The following CDKAL1 variants were observed in gnomAD, a reference collection of about 807,000 sequenced individuals.
CDKAL1 encodes threonylcarbamoyladenosine tRNA methylthiotransferase.
Under a neutral mutation model 68.2 loss-of-function variants are expected in CDKAL1, and 32 were observed. That is an observed-to-expected ratio of 0.47 (90% CI 0.35 to 0.63). The LOEUF (loss-of-function observed/expected upper bound fraction) is 0.63, where lower values mean the gene tolerates loss of function less well. CDKAL1 is among the 30% of genes least tolerant of loss of function. The pLI is 0.00. For missense variants in CDKAL1, 606 were observed against 696.7 expected, an observed-to-expected ratio of 0.87 and a Z score of 1.47; for synonymous variants, 234 against 244.3, an observed-to-expected ratio of 0.96 and a Z score of 0.39.
At chr6:20,840,864 A>G (rs895963889) in intron 8 of CDKAL1, among the ~76,000 whole-genome samples, 7 of 152,210 alleles carry the variant, frequency 4.6e-5, no homozygotes, top group Admixed American at 2.6e-4. Flanking sequence ...CACAGCCTAC[A>G]TTGTGTGAAC....
intron 9 of CDKAL1, among the ~76,000 whole-genome samples, chr6:20,865,414 C>T (rs1759856988): frequency 6.6e-6 from 1 of 152,148 alleles, no homozygotes; most frequent in Admixed American, 6.5e-5. Flanking sequence ...CCCCAGACCT[C>T]AGTTTCGTTG....
chr6:21,098,442 G>A (rs1773421570), intron 12 of CDKAL1, among the ~76,000 whole-genome samples: 1 of 151,936 alleles, frequency 6.6e-6, no homozygotes, highest in Non-Finnish European at 1.5e-5. Flanking sequence ...TTAGAGCCTG[G>A]AGGGAAAAGG....
intron 11 of CDKAL1, among the ~76,000 whole-genome samples, chr6:21,042,658 A>G (rs1042611622): frequency 2.6e-5 from 4 of 151,950 alleles, no homozygotes; most frequent in African/African-American, 9.7e-5. Flanking sequence ...TCACTATCCT[A>G]TTTGACGCCA....
intron 10 of CDKAL1, among the ~76,000 whole-genome samples, chr6:20,960,174 G>T (rs1253850829): frequency 6.6e-6 from 1 of 152,108 alleles, no homozygotes; most frequent in Non-Finnish European, 1.5e-5. Context: ...CTGGAGTGCT[G>T]TGGCTATTTA....
intron 14 of CDKAL1, chr6:21,200,808 C>T (rs948474338): frequency 3.5e-5 from 7 of 201,840 alleles, no homozygotes; most frequent in Admixed American, 1.6e-4. Flanking sequence ...GACCCTTGAG[C>T]AGCTAGAAGA....
intron 12 of CDKAL1, among the ~76,000 whole-genome samples, chr6:21,101,389 A>G (rs750152085): frequency 6.6e-6 from 1 of 152,228 alleles, no homozygotes; most frequent in Non-Finnish European, 1.5e-5. Context: ...TATATTTTAA[A>G]GATTCGCTAA....
intron 13 of CDKAL1, among the ~76,000 whole-genome samples, chr6:21,146,717 G>A (rs569755303): frequency 6.6e-6 from 1 of 151,996 alleles, no homozygotes; most frequent in South Asian, 2.1e-4. Context: ...TGGGCGTGGT[G>A]GTGGGCACCT....
At chr6:20,688,474 A>G (rs532624074) in intron 5 of CDKAL1, among the ~76,000 whole-genome samples, 13 of 148,016 alleles carry the variant, frequency 8.8e-5, no homozygotes, top group Admixed American at 2.7e-4. Context: ...TCAGTTTTGT[A>G]CATTTCTATT....
chr6:20,722,731 A>AT (rs1282142649), intron 5 of CDKAL1, among the ~76,000 whole-genome samples: 1 of 152,074 alleles, frequency 6.6e-6, no homozygotes, highest in African/African-American at 2.4e-5. Context: ...GTTCTTTCTG[A>AT]TTAATGCCTT....
intron 8 of CDKAL1, among the ~76,000 whole-genome samples, chr6:20,834,679 T>C (rs1777856672): frequency 2.0e-5 from 3 of 152,192 alleles, no homozygotes; most frequent in African/African-American, 7.2e-5. Flanking sequence ...CATTTCATCA[T>C]TGTTAATTTT....
intron 7 of CDKAL1, among the ~76,000 whole-genome samples, chr6:20,767,561 G>A (rs1006907668): frequency 5.9e-5 from 9 of 152,070 alleles, no homozygotes; most frequent in African/African-American, 1.9e-4. Context: ...TGGCTCAGAT[G>A]TAGGTAGAAA....
intron 11 of CDKAL1, among the ~76,000 whole-genome samples, chr6:21,001,579 C>T (rs1240251172): frequency 6.6e-6 from 1 of 152,084 alleles, no homozygotes; most frequent in Admixed American, 6.5e-5. Context: ...TTAAGTGCTA[C>T]AGCCTTCAAA....
At chr6:21,152,497 A>G (rs542971456) in intron 13 of CDKAL1, among the ~76,000 whole-genome samples, 4 of 152,366 alleles carry the variant, frequency 2.6e-5, no homozygotes, top group Non-Finnish European at 4.4e-5. Context: ...GCAACTTGTC[A>G]TATGACCCCC....
intron 5 of CDKAL1, among the ~76,000 whole-genome samples, chr6:20,721,241 TA>T (rs1289742894): frequency 2.0e-5 from 3 of 152,134 alleles, no homozygotes. Context: ...GATAGTTTGC[TA>T]AGAATGATGG....
chr6:21,051,915 A>G (rs1770561900), intron 11 of CDKAL1, among the ~76,000 whole-genome samples: 1 of 152,218 alleles, frequency 6.6e-6, no homozygotes, highest in Non-Finnish European at 1.5e-5. Context: ...AAGATCATGC[A>G]GCTAGTTAGT....
chr6:20,992,168 C>T (rs1286658153), intron 10 of CDKAL1, among the ~76,000 whole-genome samples: 1 of 146,508 alleles, frequency 6.8e-6, no homozygotes, highest in East Asian at 1.9e-4. Flanking sequence ...GCTGGGATTA[C>T]AGGCACACGT....
At chr6:21,198,896 T>C (rs532040351) in intron 14 of CDKAL1, among the ~76,000 whole-genome samples, 28 of 152,138 alleles carry the variant, frequency 1.8e-4, no homozygotes, top group Non-Finnish European at 2.9e-4. Context: ...TTCAGGGTCA[T>C]TGACCCTGGC....
intron 10 of CDKAL1, among the ~76,000 whole-genome samples, chr6:20,988,397 C>T (rs185849435): frequency 9.5e-4 from 144 of 152,248 alleles, no homozygotes; most frequent in African/African-American, 3.4e-3. Flanking sequence ...TATCAGCTAT[C>T]TGCGCATTCA....
intron 11 of CDKAL1, among the ~76,000 whole-genome samples, chr6:21,028,249 T>A (rs1048343219): frequency 2.0e-5 from 3 of 152,136 alleles, no homozygotes; most frequent in Non-Finnish European, 4.4e-5. Flanking sequence ...TAGTTAACAT[T>A]TAAGGGTTTT....
Sources: gnomAD v4.1 joint callset for allele counts (sites outside exome capture counted in the v4.1 genomes callset) on GRCh38, gnomAD v4.1.1 for gene constraint, MANE v1.5 for transcripts, NCBI Gene and HGNC (gene_info 2026-07-23, HGNC 2026-07-21) for gene names.